The following RABGEF1 variants were observed in gnomAD, a reference collection of about 807,000 sequenced individuals.
RABGEF1 encodes RAB guanine nucleotide exchange factor 1.
In RABGEF1, 26 loss-of-function variants were observed where a neutral mutation model predicts 57.3. That is an observed-to-expected ratio of 0.45 (90% CI 0.33 to 0.63). RABGEF1 has a LOEUF of 0.63. Ranked by LOEUF, RABGEF1 falls within the 20% of genes least tolerant of loss-of-function variation. The pLI is 0.02. For synonymous variants in RABGEF1, 185 were observed against 210.7 expected, an observed-to-expected ratio of 0.88 and a Z score of 1.06; for missense variants, 464 against 607.6, an observed-to-expected ratio of 0.76 and a Z score of 2.48.
At chr7:66,670,880 A>G in the RABGEF1 span, among the ~76,000 whole-genome samples, 1 of 141,900 alleles carries the variant, frequency 7.0e-6, no homozygotes. Context: ...TTATTTATTT[A>G]ATACACATAC....
chr7:66,793,590 A>G (rs1813246503), intron 4 of RABGEF1, among the ~76,000 whole-genome samples: 2 of 152,210 alleles, frequency 1.3e-5, no homozygotes, highest in Admixed American at 6.5e-5. Flanking sequence ...AAGGTGTAAA[A>G]CCATGTGTAA....
chr7:66,656,045 G>C, the RABGEF1 span, among the ~76,000 whole-genome samples: 3 of 152,206 alleles, frequency 2.0e-5, no homozygotes, highest in East Asian at 1.9e-4. Flanking sequence ...TGAAGAATGA[G>C]TAACATTCAG....
intron 1 of RABGEF1, among the ~76,000 whole-genome samples, chr7:66,703,436 T>C (rs962669064): frequency 6.6e-6 from 1 of 152,172 alleles, no homozygotes; most frequent in South Asian, 2.1e-4. Context: ...CACAGTTAGG[T>C]CTTTTATCCA....
intron 1 of RABGEF1, among the ~76,000 whole-genome samples, chr7:66,770,102 C>G (rs931616554): frequency 6.6e-6 from 1 of 152,164 alleles, no homozygotes; most frequent in Non-Finnish European, 1.5e-5. Flanking sequence ...TTCAGTCTGC[C>G]TGTACTTTTG....
upstream of RABGEF1, among the ~76,000 whole-genome samples, chr7:66,738,945 GTTTT>G (rs558390109): frequency 1.6e-3 from 243 of 151,770 alleles, 1 homozygote; most frequent in Middle Eastern, 6.9e-3. Context: ...GGTACTTTGT[GTTTT>G]TTTGTTTTGT....
At chr7:66,791,311 A>G (rs1425577945) in intron 4 of RABGEF1, among the ~76,000 whole-genome samples, 2 of 152,208 alleles carry the variant, frequency 1.3e-5, no homozygotes, top group African/African-American at 4.8e-5. Flanking sequence ...TTAAGTCTGT[A>G]TTCTACTAGT....
the RABGEF1 span, among the ~76,000 whole-genome samples, chr7:66,661,929 G>A: frequency 1.4e-4 from 22 of 152,116 alleles, no homozygotes; most frequent in African/African-American, 4.8e-5. Context: ...ACTTTGGGAG[G>A]TTAAGGCAGG....
upstream of RABGEF1, among the ~76,000 whole-genome samples, chr7:66,737,079 AGAGAGAGCGAGAGC>A (rs1798060486): frequency 7.7e-6 from 1 of 130,392 alleles, no homozygotes; most frequent in African/African-American, 2.8e-5. Context: ...AGAGTGAGAG[AGAGAGAGCGAGAGC>A]GAGAGAGAGA....
chr7:66,770,969 T>TTTG lies in RABGEF1; in HGVS notation c.-17-890_-17-888dup, dbSNP rs144702649. 9.5e-3 allele frequency among the ~76,000 whole-genome samples: 1,436 copies of TTTG among 151,678 alleles called. 19 individuals carry two copies. The highest frequency in any genetic ancestry group is 0.028 in the African/African-American group (1,172 of 41,370). ...CCATTTGTTAATCGGATTATTTGGGTTTGTTGTTGTTGTTGTTGTTGTTGT... is the reference window on the plus strand; with the variant it reads ...CCATTTGTTAATCGGATTATTTGGGTTTGTTGTTGTTGTTGTTGTTGTTGTTGT... On this transcript the variant is annotated intron_variant, in intron 1 of 8. Coordinates refer to ENST00000284957, the MANE Select transcript of RABGEF1 (RefSeq NM_014504.3).
chr7:66,744,384 G>C (rs1402798897), intron 1 of RABGEF1, among the ~76,000 whole-genome samples: 1 of 148,788 alleles, frequency 6.7e-6, no homozygotes, highest in Non-Finnish European at 1.5e-5. Context: ...AAAAAAAAAA[G>C]ATAGCCGGGC....
chr7:66,788,044 A>AT (rs1319075257), intron 4 of RABGEF1, among the ~76,000 whole-genome samples: 2 of 152,160 alleles, frequency 1.3e-5, no homozygotes, highest in Non-Finnish European at 2.9e-5. Flanking sequence ...CCTCAGATAC[A>AT]TTTTTTCCCT....
intron 1 of RABGEF1, among the ~76,000 whole-genome samples, chr7:66,702,037 C>G (rs1017662025): frequency 2.0e-5 from 3 of 152,158 alleles, no homozygotes; most frequent in Non-Finnish European, 4.4e-5. Context: ...GCATCCAATA[C>G]CCATTAAGCT....
At chr7:66,714,065 G>T (rs752891142) in intron 2 of RABGEF1, among the ~76,000 whole-genome samples, 1 of 152,152 alleles carries the variant, frequency 6.6e-6, no homozygotes, top group East Asian at 1.9e-4. Flanking sequence ...TGATGTAAAG[G>T]TAATGTTGGC....
intron 4 of RABGEF1, among the ~76,000 whole-genome samples, chr7:66,785,935 A>G (rs755274317): frequency 1.4e-4 from 21 of 152,072 alleles, no homozygotes; most frequent in Admixed American, 2.6e-4. Context: ...CCTTTAAATT[A>G]ATGTTATTAC....
chr7:66,701,484 G>A (rs1283940382), intron 1 of RABGEF1, among the ~76,000 whole-genome samples: 2 of 150,592 alleles, frequency 1.3e-5, no homozygotes, highest in Non-Finnish European at 3.0e-5. Flanking sequence ...GGAGGACAGA[G>A]CGAGACTCTG....
chr7:66,790,148 T>C (rs1471042273), intron 4 of RABGEF1, among the ~76,000 whole-genome samples: 2 of 152,124 alleles, frequency 1.3e-5, no homozygotes, highest in Non-Finnish European at 2.9e-5. Flanking sequence ...TCGTTAGAGG[T>C]TGCAGATGTT....
intron 6 of RABGEF1, among the ~76,000 whole-genome samples, chr7:66,799,026 A>G (rs1055642381): frequency 1.3e-5 from 2 of 152,230 alleles, no homozygotes; most frequent in Admixed American, 6.5e-5. Context: ...GCAGCAGCCA[A>G]TTCTCAAATG....
At chr7:66,675,460 A>C in the RABGEF1 span, among the ~76,000 whole-genome samples, 1 of 151,302 alleles carries the variant, frequency 6.6e-6, no homozygotes, top group African/African-American at 2.4e-5. Context: ...AAAAAACCCC[A>C]AAAAACTCCC....
At chr7:66,743,213 A>G (rs1160580289) in intron 1 of RABGEF1, among the ~76,000 whole-genome samples, 1 of 151,808 alleles carries the variant, frequency 6.6e-6, no homozygotes, top group East Asian at 1.9e-4. Flanking sequence ...AGGCTGAGGT[A>G]GGAGAATTGC....
Sources: gnomAD v4.1 joint callset for allele counts (sites outside exome capture counted in the v4.1 genomes callset) on GRCh38, gnomAD v4.1.1 for gene constraint, MANE v1.5 for transcripts, NCBI Gene and HGNC (gene_info 2026-07-23, HGNC 2026-07-21) for gene names.